Variants in GAS2 observed in about 807,000 individuals in gnomAD.
The protein encoded by GAS2 is growth arrest-specific protein 2.
A neutral mutation model predicts 37.5 loss-of-function variants in GAS2; 20 were observed. The observed-to-expected ratio is 0.53, with a 90% CI of 0.37 to 0.77. GAS2 has a LOEUF of 0.77. GAS2 is among the 30% of genes least tolerant of loss of function. GAS2 has a pLI of 0.00. For synonymous variants in GAS2, 144 were observed against 132.2 expected, an observed-to-expected ratio of 1.09 and a Z score of -0.61; for missense variants, 336 against 373.4, an observed-to-expected ratio of 0.90 and a Z score of 0.82.
chr11:22,739,588 A>G (rs1261091716), intron 5 of GAS2, among the ~76,000 whole-genome samples: 4 of 150,684 alleles, frequency 2.7e-5, no homozygotes, highest in East Asian at 1.9e-4. Flanking sequence ...AAAAAAAAAA[A>G]AAAAAAAAAG....
chr11:22,749,156 A>G lies in GAS2; in HGVS notation c.510A>G (p.Glu170=). 6.2e-7 allele frequency: 1 copy of G among 1,612,628 alleles called. No individual in the cohort carries two copies. Among genetic ancestry groups the G allele is most frequent in the Non-Finnish European group, 8.5e-7 (1 of 1,179,162 alleles). The change falls in exon 6 of 8, where the codon GAA becomes GAG. Residue 170 remains glutamate, a synonymous_variant. Transcript: ENST00000454584. The stretch of plus-strand genomic sequence containing the variant: ...AGCCTCCTGGTTTGATAAAGCTGGA[A>G]AAAGAGATTGAACAAGAAGAAACAC... ...GVEPPGLIKL[E]KEIEQEETLS...
chr11:22,706,890 G>C (rs337455), intron 3 of GAS2, among the ~76,000 whole-genome samples: 1 of 151,736 alleles, frequency 6.6e-6, no homozygotes, highest in Non-Finnish European at 1.5e-5. Flanking sequence ...TCTAGTTCTA[G>C]ATCCCTGAGG....
chr11:22,785,461 G>A (rs1396865546), intron 7 of GAS2, among the ~76,000 whole-genome samples: 3 of 152,138 alleles, frequency 2.0e-5, no homozygotes, highest in Non-Finnish European at 2.9e-5. Context: ...AGATGGTACT[G>A]AATCACTGGC....
At position 22,668,770 on chromosome 11, in the gene GAS2, G is replaced by A. The variant is rs569788896; in HGVS notation, c.-21+1871G>A. Among the ~76,000 whole-genome samples, 33 of 152,306 alleles carry A rather than the reference G, an allele frequency of 2.2e-4. No individual in the cohort carries two copies. In the South Asian group the frequency reaches 5.6e-3, roughly 26 times the overall value. On this transcript the variant is annotated intron_variant, in intron 1 of 7. Transcript: ENST00000454584. ...AAACTTTGGAAAACTAAGTTACCTT[G>A]GTTGAGAAGGCATGATGAGGCTGTA...
intron 7 of GAS2, among the ~76,000 whole-genome samples, chr11:22,769,956 T>A (rs1014441449): frequency 1.8e-4 from 28 of 152,276 alleles, no homozygotes; most frequent in African/African-American, 6.7e-4. Flanking sequence ...GCATGGAATA[T>A]TATGCAGCCA....
intron 7 of GAS2, among the ~76,000 whole-genome samples, chr11:22,785,420 G>A (rs1170323895): frequency 5.3e-5 from 8 of 152,076 alleles, no homozygotes; most frequent in South Asian, 4.1e-4. Flanking sequence ...CATTCTTACT[G>A]TATCAGAGCT....
At chr11:22,648,259 C>T (rs890142874) in intron 1 of GAS2, among the ~76,000 whole-genome samples, 2 of 152,032 alleles carry the variant, frequency 1.3e-5, no homozygotes, top group African/African-American at 4.8e-5. Context: ...TTTCTGAGGG[C>T]TCTGTTCTGT....
intron 3 of GAS2, among the ~76,000 whole-genome samples, chr11:22,689,586 A>G (rs1236646222): frequency 6.6e-6 from 1 of 152,230 alleles, no homozygotes; most frequent in Non-Finnish European, 1.5e-5. Context: ...GTTCATAAAT[A>G]TACTTCTGTT....
intron 3 of GAS2, chr11:22,688,471 G>A (rs562076278): frequency 9.2e-5 from 14 of 152,140 alleles, no homozygotes; most frequent in African/African-American, 2.6e-4. Flanking sequence ...TTTGTATTTA[G>A]CATGAGAGCT....
chr11:22,740,503 A>G (rs761748546), intron 5 of GAS2, among the ~76,000 whole-genome samples: 1 of 152,192 alleles, frequency 6.6e-6, no homozygotes, highest in Non-Finnish European at 1.5e-5. Flanking sequence ...TGGTGCTACT[A>G]TTATTCTAGT....
intron 7 of GAS2, among the ~76,000 whole-genome samples, chr11:22,784,991 C>T (rs1369882067): frequency 2.6e-5 from 4 of 152,068 alleles, no homozygotes; most frequent in African/African-American, 9.7e-5. Context: ...GCAAGGACAC[C>T]TTCAGTCTTA....
intron 1 of GAS2, among the ~76,000 whole-genome samples, chr11:22,656,317 C>G (rs1428184681): frequency 6.6e-6 from 1 of 152,152 alleles, no homozygotes; most frequent in African/African-American, 2.4e-5. Flanking sequence ...ACTTCCTTTG[C>G]TATTGTTCTT....
chr11:22,633,876 A>C (rs1441162376), intron 1 of GAS2, among the ~76,000 whole-genome samples: 1 of 152,166 alleles, frequency 6.6e-6, no homozygotes, highest in East Asian at 1.9e-4. Context: ...GTAAGTCTGC[A>C]CCTGGAGGGC....
chr11:22,796,680 C>G (rs1363667117), intron 7 of GAS2, among the ~76,000 whole-genome samples: 3 of 151,980 alleles, frequency 2.0e-5, no homozygotes, highest in Non-Finnish European at 4.4e-5. Flanking sequence ...TATTTTGTTG[C>G]CTTTTAAGAC....
intron 1 of GAS2, among the ~76,000 whole-genome samples, chr11:22,661,227 C>T (rs1848911830): frequency 2.0e-5 from 3 of 152,140 alleles, no homozygotes; most frequent in Admixed American, 2.0e-4. Flanking sequence ...GAGGGATCTC[C>T]ATTTAATTTT....
intron 7 of GAS2, among the ~76,000 whole-genome samples, chr11:22,802,996 G>A (rs552036590): frequency 1.5e-4 from 23 of 152,140 alleles, no homozygotes; most frequent in Non-Finnish European, 2.4e-4. Flanking sequence ...GTGCCATCTC[G>A]TTTTGTGTAA....
chr11:22,699,740 T>C (rs930169140), intron 3 of GAS2, among the ~76,000 whole-genome samples: 22 of 152,160 alleles, frequency 1.4e-4, no homozygotes, highest in Non-Finnish European at 2.9e-4. Flanking sequence ...TTGGTTATTA[T>C]GGGGACTAAG....
chr11:22,690,051 A>G (rs1236759252), intron 3 of GAS2, among the ~76,000 whole-genome samples: 1 of 152,190 alleles, frequency 6.6e-6, no homozygotes, highest in African/African-American at 2.4e-5. Context: ...TTTTTCTAGC[A>G]GCTTTAATCT....
At chr11:22,792,151 A>C (rs1413183821) in intron 7 of GAS2, among the ~76,000 whole-genome samples, 2 of 152,344 alleles carry the variant, frequency 1.3e-5, no homozygotes, top group East Asian at 1.9e-4. Context: ...TTTGTGCCAT[A>C]GTTTGTCATA....
Sources: gnomAD v4.1 joint callset for allele counts (sites outside exome capture counted in the v4.1 genomes callset) on GRCh38, gnomAD v4.1.1 for gene constraint, MANE v1.5 for transcripts, NCBI Gene and HGNC (gene_info 2026-07-23, HGNC 2026-07-21) for gene names.